Variants in APP observed in about 807,000 individuals in gnomAD.
APP encodes amyloid-beta precursor protein.
APP carries 31 observed loss-of-function variants against 101.4 expected under a neutral mutation model. The ratio of observed to expected loss-of-function variants is 0.31; its 90% CI spans 0.23 to 0.41. The LOEUF is 0.41. Ranked by LOEUF, APP falls within the 10% of genes least tolerant of loss-of-function variation. The pLI is 1.00. For missense variants in APP, 839 were observed against 1,003.7 expected (o/e 0.84, Z 2.22); for synonymous variants, 366 against 364.4 (o/e 1.00, Z -0.05).
chr21:26,052,303 C>T (rs562127580), intron 4 of APP, among the ~76,000 whole-genome samples: 1 of 152,204 alleles, frequency 6.6e-6, no homozygotes, highest in Non-Finnish European at 1.5e-5. Flanking sequence ...CCTCTGGGCA[C>T]TATCAGATGC....
chr21:26,161,537 A>G (rs1006011917), intron 1 of APP, among the ~76,000 whole-genome samples: 2 of 152,136 alleles, frequency 1.3e-5, no homozygotes, highest in Admixed American at 1.3e-4. Context: ...TTGTACCCCT[A>G]AGAATCTAGG....
At chr21:26,089,432 G>GAA (rs1009731497) in intron 3 of APP, 1 of 139,804 alleles carries the variant, frequency 7.2e-6, no homozygotes, top group Non-Finnish European at 1.5e-5. Context: ...GATGTAAGCA[G>GAA]AAAAAAAGCC....
chr21:26,124,418 A>C (rs950626862), intron 1 of APP, among the ~76,000 whole-genome samples: 5 of 152,234 alleles, frequency 3.3e-5, no homozygotes. Context: ...TTGCTCAATA[A>C]ATTTCAATGT....
At chr21:25,928,923 T>C (rs1308373159) in intron 13 of APP, 5 of 152,188 alleles carry the variant, frequency 3.3e-5, no homozygotes, top group Non-Finnish European at 5.9e-5. Context: ...GGTTTCACCA[T>C]GTTGGCCGGG....
At chr21:26,055,934 T>C (rs142582643) in intron 3 of APP, among the ~76,000 whole-genome samples, 6 of 152,350 alleles carry the variant, frequency 3.9e-5, no homozygotes, top group Admixed American at 1.3e-4. Flanking sequence ...CATCTTGTTT[T>C]ATCTGCCCTT....
At chr21:26,034,038 C>T (rs1033070334) in intron 5 of APP, among the ~76,000 whole-genome samples, 4 of 152,182 alleles carry the variant, frequency 2.6e-5, no homozygotes, top group Admixed American at 2.0e-4. Flanking sequence ...TACACAGGCA[C>T]TGCTTTTCTA....
At chr21:26,048,120 GC>G (rs1480060023) in intron 5 of APP, among the ~76,000 whole-genome samples, 1 of 151,642 alleles carries the variant, frequency 6.6e-6, no homozygotes, top group Non-Finnish European at 1.5e-5. Flanking sequence ...TTCGAGATCA[GC>G]CCGGCCAACA....
intron 13 of APP, among the ~76,000 whole-genome samples, chr21:25,949,225 TCA>T (rs1382323060): frequency 6.6e-6 from 1 of 152,186 alleles, no homozygotes; most frequent in Non-Finnish European, 1.5e-5. Context: ...ACTTGAAAAT[TCA>T]CACTTATTTG....
At chr21:25,945,447 TC>T (rs1388249122) in intron 13 of APP, 4 of 145,960 alleles carry the variant, frequency 2.7e-5, no homozygotes, top group Non-Finnish European at 6.0e-5. Flanking sequence ...ATCTTAAAAT[TC>T]ATGTTGTAAT....
chr21:26,013,295 C>T (rs561632934), intron 6 of APP, among the ~76,000 whole-genome samples: 53 of 152,162 alleles, frequency 3.5e-4, no homozygotes, highest in Admixed American at 1.8e-3. Flanking sequence ...CCAGCCTGGG[C>T]GACAAACAAA....
intron 4 of APP, among the ~76,000 whole-genome samples, chr21:26,052,183 G>A (rs45488093): frequency 0.02 from 2,982 of 152,204 alleles, 97 homozygotes; most frequent in African/African-American, 0.067. Context: ...GTTAAGCTAA[G>A]CTAGATCAGA....
At chr21:25,993,622 C>T (rs189808525) in intron 8 of APP, among the ~76,000 whole-genome samples, 215 of 152,320 alleles carry the variant, frequency 1.4e-3, no homozygotes, top group Middle Eastern at 3.4e-3. Flanking sequence ...AAACATCTGT[C>T]GAGAATTGGA....
At chr21:26,163,324 G>GA (rs1161601878) in intron 1 of APP, among the ~76,000 whole-genome samples, 1 of 135,242 alleles carries the variant, frequency 7.4e-6, no homozygotes, top group East Asian at 2.2e-4. Context: ...TTTCTCATAA[G>GA]AAAACCTTCT....
At chr21:25,974,697 TTCTGTTA>T (rs2042160761) in intron 11 of APP, among the ~76,000 whole-genome samples, 1 of 152,180 alleles carries the variant, frequency 6.6e-6, no homozygotes, top group Non-Finnish European at 1.5e-5. Flanking sequence ...GTCTATGGTA[TTCTGTTA>T]CAGCAGCCTG....
At chr21:25,886,241 G>A (rs976674954) in intron 17 of APP, among the ~76,000 whole-genome samples, 2 of 152,044 alleles carry the variant, frequency 1.3e-5, no homozygotes, top group Non-Finnish European at 2.9e-5. Context: ...TAACCTCCCA[G>A]TAACTGCCTG....
chr21:26,147,391 G>C (rs1478839823), intron 1 of APP, among the ~76,000 whole-genome samples: 2 of 152,148 alleles, frequency 1.3e-5, no homozygotes, highest in Non-Finnish European at 2.9e-5. Flanking sequence ...TACTGTGGAA[G>C]GTCAAACTGC....
At chr21:25,991,187 G>A (rs116731459) in intron 8 of APP, among the ~76,000 whole-genome samples, 3,031 of 151,934 alleles carry the variant, frequency 0.02, 89 homozygotes, top group African/African-American at 0.069. Context: ...AGGAGGAGAG[G>A]GATAAAAAAC....
At chr21:25,931,550 TAAA>T (rs1252777277) in intron 13 of APP, among the ~76,000 whole-genome samples, 1 of 152,064 alleles carries the variant, frequency 6.6e-6, no homozygotes, top group East Asian at 1.9e-4. Context: ...CTGGAGATTA[TAAA>T]AGACTAACCA....
chr21:26,073,673 G>A (rs1436305818), intron 3 of APP, among the ~76,000 whole-genome samples: 2 of 152,222 alleles, frequency 1.3e-5, no homozygotes, highest in Non-Finnish European at 2.9e-5. Flanking sequence ...AAATACTATT[G>A]AGATGTGAAA....
Sources: allele counts gnomAD v4.1 joint callset (sites outside exome capture counted in the v4.1 genomes callset), GRCh38; gene constraint gnomAD v4.1.1; transcripts MANE v1.5; gene names NCBI Gene and HGNC (gene_info 2026-07-23, HGNC 2026-07-21).